The following ARSD variants were observed in gnomAD, a reference collection of about 807,000 sequenced individuals.
ARSD encodes testis tissue sperm-binding protein Li 39a.
Under a neutral mutation model 32.6 loss-of-function variants are expected in ARSD, and 21 were observed. The observed-to-expected ratio is 0.64, with a 90% CI of 0.46 to 0.93. The LOEUF is 0.93. Among genes scored for constraint, ARSD ranks in the 40% least tolerant of loss-of-function variants. The pLI is 0.00. For synonymous variants in ARSD, 224 were observed against 237.4 expected (o/e 0.94, Z 0.52); for missense variants, 454 against 520.9 (o/e 0.87, Z 1.25).
At chrX:2,914,235 C>A in intron 6 of ARSD, 8 of 597,352 alleles carry the variant, frequency 1.3e-5, no homozygotes, top group Non-Finnish European at 1.6e-5. Context: ...TCTTTTATTT[C>A]TTTTTTTTTT....
intron 8 of ARSD, 64 bp downstream of exon 8, chrX:2,909,753 T>TGA: frequency 2.5e-6 from 2 of 808,235 alleles, no homozygotes; most frequent in Non-Finnish European, 3.2e-6. Context: ...CCTATTGAAA[T>TGA]AAAAAAAAAA....
intron 2 of ARSD, 151 bp from the exon 3 acceptor site, chrX:2,922,175 C>A: frequency 1.4e-6 from 1 of 716,278 alleles, no homozygotes; most frequent in South Asian, 3.2e-5. Flanking sequence ...GTAGATTGAC[C>A]CCATCCTAAG....
At chrX:2,912,379 C>G (rs2088909534) in intron 6 of ARSD, among the ~76,000 whole-genome samples, 1 of 111,092 alleles carries the variant, frequency 9.0e-6, no homozygotes, top group African/African-American at 3.3e-5. Context: ...TTTCAGTGGT[C>G]TTGCCTTTCT....
chrX:2,911,980 A>G (rs1195959836), intron 6 of ARSD, among the ~76,000 whole-genome samples: 1 of 111,680 alleles, frequency 9.0e-6, no homozygotes, highest in Non-Finnish European at 1.9e-5. Flanking sequence ...TACAAAAAAT[A>G]CAAAAATTAG....
chrX:2,909,215 A>G (rs1394182938), intron 8 of ARSD, among the ~76,000 whole-genome samples: 3 of 108,468 alleles, frequency 2.8e-5, no homozygotes, highest in African/African-American at 1.0e-4. Flanking sequence ...TATGAGGCAG[A>G]GTCTTGCTCT....
intron 8 of ARSD, 43 bp downstream of exon 8, chrX:2,909,773 CA>C (rs749532761): frequency 1.0e-5 from 10 of 979,976 alleles, no homozygotes; most frequent in Non-Finnish European, 6.5e-6. Context: ...AAACTAAAAA[CA>C]ATTAAAAAAA....
chrX:2,909,214 G>A (rs1334119744), intron 8 of ARSD, among the ~76,000 whole-genome samples: 1 of 108,413 alleles, frequency 9.2e-6, no homozygotes, highest in African/African-American at 3.4e-5. Context: ...TTATGAGGCA[G>A]AGTCTTGCTC....
chrX:2,918,780 TGA>T lies in ARSD; in HGVS notation c.440-555_440-554del, dbSNP rs202247739. On this transcript the variant is annotated intron_variant, in intron 4 of 9. Transcript: ENST00000381154. ...AAATAAAAGTAAAAATTAAAAAAAG[TGA>T]GAGAGAAAGAAAGAATAAATCCACC... 8.0e-3 allele frequency among the ~76,000 whole-genome samples: 870 copies of T among 109,073 alleles called. 7 individuals are homozygous for T. The highest frequency in any genetic ancestry group is 0.027 in the African/African-American group (807 of 29,890). The allele number at this position is 109,073 out of a possible 115,157, so 94.7% of individuals were successfully genotyped here. A position where few individuals can be genotyped will look rare whatever the true frequency, so the allele number is the denominator to read the frequency against.
chrX:2,927,420 C>A (rs1221413238), intron 1 of ARSD, among the ~76,000 whole-genome samples: 2 of 109,668 alleles, frequency 1.8e-5, no homozygotes, highest in African/African-American at 6.7e-5. Context: ...CCACCACGCC[C>A]GGCTAATTTT....
rs1308260340 is a variant in ARSD at position 2,905,093 on chromosome X, A to T, written c.*2178T>A. On this transcript the variant is annotated 3_prime_UTR_variant, in exon 10 of 10. Transcript: ENST00000381154. Reference sequence around the variant, plus strand: ...GGATTTGGACACAGGGAGCCAGGGGAGAGGGGCATCAGCTGCCTGGTTAGC... The same window carrying T: ...GGATTTGGACACAGGGAGCCAGGGGTGAGGGGCATCAGCTGCCTGGTTAGC... 2.9e-6 allele frequency: 1 copy of T among 339,406 alleles called. No homozygotes were observed. The highest frequency in any genetic ancestry group is 2.6e-5 in the African/African-American group (1 of 37,751). The allele number at this position is 339,406 out of a possible 1,213,427, so 28.0% of individuals were successfully genotyped here.
At chrX:2,913,284 A>C (rs769416012) in intron 6 of ARSD, among the ~76,000 whole-genome samples, 1 of 112,228 alleles carries the variant, frequency 8.9e-6, no homozygotes, top group East Asian at 2.8e-4. Context: ...TGAAGCCTCT[A>C]GGTGGCAGGC....
At chrX:2,913,924 C>T (rs779786659) in intron 6 of ARSD, 5 of 279,211 alleles carry the variant, frequency 1.8e-5, no homozygotes, top group Non-Finnish European at 2.5e-5. Context: ...TAAAAGTGTG[C>T]GGCTCTTCCT....
chrX:2,919,294 A>G (rs1217931311), intron 4 of ARSD, among the ~76,000 whole-genome samples: 4 of 105,665 alleles, frequency 3.8e-5, no homozygotes, highest in Non-Finnish European at 7.7e-5. Flanking sequence ...TTTGAGTGTG[A>G]GAAAAGCACA....
chrX:2,918,811 A>T (rs947191282), intron 4 of ARSD, among the ~76,000 whole-genome samples: 1 of 111,944 alleles, frequency 8.9e-6, no homozygotes, highest in Admixed American at 9.5e-5. Flanking sequence ...ATCCACCCTC[A>T]GAGTAGGAGA....
rs2089128843 is a variant in ARSD, at chrX:2,929,327, G to A, written c.-52C>T. 1 of 921,072 alleles carries A rather than the reference G, an allele frequency of 1.1e-6. No individual in the cohort carries two copies. Among genetic ancestry groups the A allele is most frequent in the African/African-American group, 2.0e-5 (1 of 48,851 alleles). The allele number at this position is 921,072 out of a possible 1,213,427, so 75.9% of individuals were successfully genotyped here. A position where few individuals can be genotyped will look rare whatever the true frequency, so the allele number is the denominator to read the frequency against. ...ACCTTGCCCTGCGCACTCCGCGCCC[G>A]GGCGCCGCTAGTGCCAAGGCTTCCG... On this transcript the variant is annotated 5_prime_UTR_variant, in exon 1 of 10. Transcript: ENST00000381154.
chrX:2,923,689 G>C (rs770672301), intron 2 of ARSD, among the ~76,000 whole-genome samples: 7 of 111,085 alleles, frequency 6.3e-5, no homozygotes, highest in African/African-American at 2.3e-4. Context: ...AGTCCTATTG[G>C]ATCAGGGCCC....
rs186626987 is a variant in ARSD at position 2,918,957 on chromosome X, T to C, written c.440-730A>G. ...GCTGAAACCCTGGCTCTACTAAAAA[T>C]GCAAAAAAAATTAGCCAGGCATGGT... On this transcript the variant is annotated intron_variant, in intron 4 of 9. Transcript: ENST00000381154. Among the ~76,000 whole-genome samples, 420 of 106,854 alleles carry C rather than the reference T, an allele frequency of 3.9e-3. 4 individuals are homozygous for C. Among genetic ancestry groups the C allele is most frequent in the African/African-American group, 0.013 (391 of 29,287 alleles). The allele number at this position is 106,854 out of a possible 115,157, so 92.8% of individuals were successfully genotyped here. A position where few individuals can be genotyped will look rare whatever the true frequency, so the allele number is the denominator to read the frequency against.
At chrX:2,928,833 G>A (rs2089119164) in intron 1 of ARSD, among the ~76,000 whole-genome samples, 1 of 111,968 alleles carries the variant, frequency 8.9e-6, no homozygotes, top group Non-Finnish European at 1.9e-5. Flanking sequence ...GGCCGAATCC[G>A]GGCAGCGGTG....
At chrX:2,912,050 G>T (rs6642066) in intron 6 of ARSD, among the ~76,000 whole-genome samples, 23,971 of 110,905 alleles carry the variant, frequency 0.22, 1,934 homozygotes, top group African/African-American at 0.25. Context: ...CGAAGTGGGA[G>T]GATTGCCTGA....
Sources: allele counts gnomAD v4.1 joint callset (sites outside exome capture counted in the v4.1 genomes callset), GRCh38; gene constraint gnomAD v4.1.1; transcripts MANE v1.5; gene names NCBI Gene and HGNC (gene_info 2026-07-23, HGNC 2026-07-21).